The following PELI1 variants were observed in gnomAD, a reference collection of about 807,000 sequenced individuals.
PELI1 encodes pellino E3 ubiquitin protein ligase 1, also known as E3 ubiquitin-protein ligase pellino homolog 1.
In PELI1, 15 loss-of-function variants were observed where a neutral mutation model predicts 41.3. The observed-to-expected ratio is 0.36, with a 90% CI of 0.24 to 0.56. PELI1 has a LOEUF of 0.56. PELI1 is among the 20% of genes least tolerant of loss of function. The pLI, the probability that PELI1 is intolerant of heterozygous loss-of-function variation, is 0.82. For missense variants in PELI1, 403 were observed against 525.5 expected (o/e 0.77, Z 2.28); for synonymous variants, 178 against 180.1 (o/e 0.99, Z 0.09).
intron 1 of PELI1, among the ~76,000 whole-genome samples, chr2:64,142,805 G>A (rs1681956006): frequency 6.6e-6 from 1 of 152,130 alleles, no homozygotes; most frequent in Non-Finnish European, 1.5e-5. Context: ...TTATCCTTAA[G>A]TGTAAGAGTA....
chr2:64,096,408 T>G lies in PELI1; in HGVS notation c.501+5A>C, dbSNP rs768392649. ...AAAGCATCATTTAGAAAAAAAGCTT[T>G]TTACCCCAAGAAAGATGTTTTTTGA... On this transcript the variant is annotated splice_donor_5th_base_variant and intron_variant, in intron 5 of 6. Transcript: ENST00000358912. 13 of 1,604,826 alleles carry G rather than the reference T, an allele frequency of 8.1e-6. No homozygotes were observed. The highest frequency in any genetic ancestry group is 1.1e-5 in the Non-Finnish European group (13 of 1,173,888).
At chr2:64,100,111 T>G (rs1680375173) in intron 4 of PELI1, among the ~76,000 whole-genome samples, 1 of 152,196 alleles carries the variant, frequency 6.6e-6, no homozygotes, top group East Asian at 1.9e-4. Flanking sequence ...ATGTACTAGA[T>G]CATTTAAGCC....
chr2:64,139,963 T>C (rs1210478177), intron 1 of PELI1, among the ~76,000 whole-genome samples: 1 of 152,212 alleles, frequency 6.6e-6, no homozygotes, highest in Non-Finnish European at 1.5e-5. Flanking sequence ...ACAGATTTCA[T>C]TGCACCTTGT....
At chr2:64,114,915 CT>C (rs1373985709) in intron 1 of PELI1, among the ~76,000 whole-genome samples, 1 of 152,030 alleles carries the variant, frequency 6.6e-6, no homozygotes, top group East Asian at 1.9e-4. Flanking sequence ...GAAATTTCCC[CT>C]TTTTTTGGCA....
chr2:64,098,731 T>C (rs1395736385), intron 4 of PELI1, among the ~76,000 whole-genome samples: 1 of 152,228 alleles, frequency 6.6e-6, no homozygotes, highest in Admixed American at 6.5e-5. Context: ...GAACAATAAA[T>C]GTTCTTGTTC....
chr2:64,109,668 A>G (rs186054785), intron 1 of PELI1, among the ~76,000 whole-genome samples: 1 of 152,290 alleles, frequency 6.6e-6, no homozygotes, highest in Non-Finnish European at 1.5e-5. Context: ...GCAACAGAGC[A>G]AGACTCCATC....
intron 1 of PELI1, among the ~76,000 whole-genome samples, chr2:64,122,271 G>A (rs530838332): frequency 7.1e-6 from 1 of 140,358 alleles, no homozygotes; most frequent in African/African-American, 2.7e-5. Flanking sequence ...TTTCCTCTAC[G>A]ATGTCTGAAC....
intron 1 of PELI1, among the ~76,000 whole-genome samples, chr2:64,124,862 C>G (rs1681335416): frequency 6.6e-6 from 1 of 152,282 alleles, no homozygotes; most frequent in Admixed American, 6.5e-5. Flanking sequence ...TGCCACAAGA[C>G]TCCCCTAAGT....
rs1680097983 is a variant in PELI1, at chr2:64,092,747, T to C, written c.*1955A>G. ...TGTTACATTAAATGCAAACTCTTCA[T>C]CTATTTCAAATGAGTATTTTTGGAG... On this transcript the variant is annotated 3_prime_UTR_variant, in exon 7 of 7. Coordinates refer to ENST00000358912, the MANE Select transcript of PELI1 (RefSeq NM_020651.4). 1 of 152,206 alleles carries C rather than the reference T, an allele frequency of 6.6e-6. No individual in the cohort carries two copies. Among genetic ancestry groups the C allele is most frequent in the Non-Finnish European group, 1.5e-5 (1 of 68,034 alleles). The allele number at this position is 152,206 out of a possible 1,614,324, so 9.4% of individuals were successfully genotyped here.
intron 1 of PELI1, among the ~76,000 whole-genome samples, chr2:64,119,997 T>C (rs539370049): frequency 1.3e-5 from 2 of 152,342 alleles, no homozygotes; most frequent in African/African-American, 4.8e-5. Context: ...TATAAAATAC[T>C]ATATTATCCC....
intron 1 of PELI1, among the ~76,000 whole-genome samples, chr2:64,122,151 C>T (rs1681240725): frequency 6.6e-6 from 1 of 151,656 alleles, no homozygotes; most frequent in African/African-American, 2.4e-5. Context: ...AAGTAGTGTT[C>T]TTGGTGGGAA....
At chr2:64,140,800 C>CAAAA (rs1356897512) in intron 1 of PELI1, among the ~76,000 whole-genome samples, 1 of 100,282 alleles carries the variant, frequency 1.0e-5, no homozygotes, top group African/African-American at 4.4e-5. Flanking sequence ...AAAAAAAAAA[C>CAAAA]AAACAAACAA....
intron 1 of PELI1, among the ~76,000 whole-genome samples, chr2:64,142,721 G>A (rs1253098065): frequency 3.3e-5 from 5 of 152,090 alleles, no homozygotes; most frequent in Non-Finnish European, 7.4e-5. Context: ...AAACAGAACT[G>A]AATAAAGTGA....
intron 1 of PELI1, among the ~76,000 whole-genome samples, chr2:64,142,492 T>C (rs938848091): frequency 2.6e-5 from 4 of 152,178 alleles, no homozygotes; most frequent in African/African-American, 7.2e-5. Flanking sequence ...GTTTAAATTT[T>C]TGGTGCTTTC....
intron 1 of PELI1, among the ~76,000 whole-genome samples, chr2:64,118,179 TAAGAA>T (rs1681064565): frequency 6.6e-6 from 1 of 152,166 alleles, no homozygotes; most frequent in African/African-American, 2.4e-5. Context: ...CCCTTTTCAT[TAAGAA>T]AACAATAAAT....
chr2:64,094,763 G>A lies in PELI1; in HGVS notation c.1196C>T (p.Ala399Val). 1.9e-6 allele frequency: 3 copies of A among 1,614,154 alleles called. No homozygotes were observed. The highest frequency in any genetic ancestry group is 2.5e-6 in the Non-Finnish European group (3 of 1,179,984). ...GCCTTGTTCACCAGCCAACTGATGT[G>A]CACAAAAGGGACAGGCTGCATGAAA... ...HTFHAACPFC[A>V]HQLAGEQGYI... is the part of the protein sequence containing the mutation. Residue 399 changes from alanine (A) to valine (V), a missense_variant, in exon 7 of 7, where the codon GCA becomes GTA. By Grantham distance (64) the Ala-to-Val change is moderately conservative. Coordinates refer to ENST00000358912, the MANE Select transcript of PELI1 (RefSeq NM_020651.4).
rs940320239 is a variant in PELI1 at position 64,093,031 on chromosome 2, C to T, written c.*1671G>A. ...GAAAACTTCAAAATCAATTACATTT[C>T]TTTGAAAAAGGGGTAACAGCAGTTA... is the stretch of plus-strand genomic sequence containing the variant. On this transcript the variant is annotated 3_prime_UTR_variant, in exon 7 of 7. Coordinates refer to ENST00000358912, the MANE Select transcript of PELI1 (RefSeq NM_020651.4). 3 of 152,532 alleles carry T rather than the reference C, an allele frequency of 2.0e-5. No homozygotes were observed. Among genetic ancestry groups the T allele is most frequent in the African/African-American group, 7.2e-5 (3 of 41,434 alleles). 9.4% of individuals were successfully genotyped at this position (152,532 alleles called of 1,614,324 possible).
At chr2:64,113,197 A>C (rs1680880286) in intron 1 of PELI1, among the ~76,000 whole-genome samples, 1 of 151,972 alleles carries the variant, frequency 6.6e-6, no homozygotes, top group Admixed American at 6.6e-5. Flanking sequence ...AGCTACTCAG[A>C]AAGCTGAGGT....
chr2:64,094,705 G>T lies in PELI1; in HGVS notation c.1254C>A (p.Asp418Glu), dbSNP rs1242168117. 1.2e-6 allele frequency: 2 copies of T among 1,610,412 alleles called. No homozygotes were observed. Among genetic ancestry groups the T allele is most frequent in the Non-Finnish European group, 1.7e-6 (2 of 1,176,734 alleles). The stretch of plus-strand genomic sequence containing the variant: ...AGTCCTGCAAGACAATGGTCTGTTA[G>T]TCTAGAGGTCCTTGAAAAATAAGTC... Reference protein sequence around the residue: ...YIRLIFQGPLD With the variant: ...YIRLIFQGPLE Residue 418 changes from aspartate to glutamate, a missense_variant, in exon 7 of 7, where the codon GAC (aspartate) becomes GAA (glutamate). Coordinates refer to ENST00000358912, the MANE Select transcript of PELI1 (RefSeq NM_020651.4).
Sources: gnomAD v4.1 joint callset for allele counts (sites outside exome capture counted in the v4.1 genomes callset) on GRCh38, gnomAD v4.1.1 for gene constraint, MANE v1.5 for transcripts, NCBI Gene and HGNC (gene_info 2026-07-23, HGNC 2026-07-21) for gene names.